Variants in ASIC2 observed in about 807,000 individuals in gnomAD.
ASIC2 encodes the protein acid-sensing ion channel 2.
ASIC2 carries 25 observed loss-of-function variants against 57.3 expected under a neutral mutation model. The ratio of observed to expected loss-of-function variants is 0.44; its 90% confidence interval spans 0.32 to 0.61. The LOEUF is 0.61. ASIC2 is among the 20% of genes least tolerant of loss of function. The probability of loss-of-function intolerance (pLI) is 0.06; values close to 1 mark genes in which losing one functional copy is unlikely to be tolerated. For synonymous variants in ASIC2, 319 were observed against 307.5 expected, an observed-to-expected ratio of 1.04 and a Z score of -0.39; for missense variants, 641 against 738.1, an observed-to-expected ratio of 0.87 and a Z score of 1.52.
At chr17:34,040,580 G>C (rs906571721) in intron 1 of ASIC2, among the ~76,000 whole-genome samples, 3 of 152,158 alleles carry the variant, frequency 2.0e-5, no homozygotes, top group Non-Finnish European at 4.4e-5. Flanking sequence ...ACAGGGTAGG[G>C]TGACTTGCAC....
chr17:33,302,516 A>G (rs112950859), intron 1 of ASIC2, among the ~76,000 whole-genome samples: 3 of 152,118 alleles, frequency 2.0e-5, no homozygotes, highest in African/African-American at 7.2e-5. Flanking sequence ...TGGCTTAGAG[A>G]TTTAAGGCCA....
intron 1 of ASIC2, among the ~76,000 whole-genome samples, chr17:33,776,228 G>A (rs1228162663): frequency 6.6e-6 from 1 of 152,184 alleles, no homozygotes; most frequent in Non-Finnish European, 1.5e-5. Context: ...GTATTAGGAG[G>A]TGGGGCCTTT....
chr17:33,648,979 G>A (rs138719120), intron 1 of ASIC2, among the ~76,000 whole-genome samples: 2 of 152,148 alleles, frequency 1.3e-5, no homozygotes, highest in Non-Finnish European at 2.9e-5. Context: ...CTGAAAGACC[G>A]AATACCTTCC....
At chr17:33,050,093 G>A (rs899701701) in intron 3 of ASIC2, among the ~76,000 whole-genome samples, 3 of 152,152 alleles carry the variant, frequency 2.0e-5, no homozygotes, top group African/African-American at 7.2e-5. Flanking sequence ...AGACCTCAAC[G>A]GAAGACCTGA....
At chr17:33,031,215 T>C (rs1409353374) in intron 3 of ASIC2, among the ~76,000 whole-genome samples, 1 of 152,192 alleles carries the variant, frequency 6.6e-6, no homozygotes, top group African/African-American at 2.4e-5. Context: ...TCAGATTTTC[T>C]ATTTTTGTTC....
intron 1 of ASIC2, among the ~76,000 whole-genome samples, chr17:33,703,326 T>TCTTTTC (rs1555553183): frequency 6.7e-6 from 1 of 149,000 alleles, no homozygotes; most frequent in African/African-American, 2.5e-5. Context: ...TTTTTCTTTT[T>TCTTTTC]TTTTTTGTTG....
rs559420508 is a variant in ASIC2, at chr17:33,881,585, C to T, written c.555+274393G>A. 2.6e-5 allele frequency among the ~76,000 whole-genome samples: 4 copies of T among 152,250 alleles called. No individual in the cohort carries two copies. The East Asian group carries it at 7.7e-4, about 29-fold the overall frequency. The stretch of plus-strand genomic sequence containing the variant: ...TGAAGGACCTCTTCAAGGAGAACTA[C>T]AAACCACTGCTCAATGAAATAAAAG... On this transcript the variant is annotated intron_variant, in intron 1 of 9. Coordinates refer to the ASIC2 transcript ENST00000359872.
intron 1 of ASIC2, among the ~76,000 whole-genome samples, chr17:33,613,209 T>C (rs1262564509): frequency 6.6e-6 from 1 of 152,074 alleles, no homozygotes; most frequent in African/African-American, 2.4e-5. Context: ...ATTTAAAAAA[T>C]AACAGTAATA....
intron 1 of ASIC2, among the ~76,000 whole-genome samples, chr17:33,210,885 A>G (rs962584122): frequency 2.0e-5 from 3 of 152,120 alleles, no homozygotes; most frequent in Non-Finnish European, 4.4e-5. Flanking sequence ...TGAAGCTACT[A>G]CTTAGAGGGA....
chr17:33,376,315 A>AT (rs1030293961), intron 1 of ASIC2, among the ~76,000 whole-genome samples: 3 of 151,820 alleles, frequency 2.0e-5, no homozygotes, highest in African/African-American at 7.3e-5. Flanking sequence ...TTTGAATCAC[A>AT]TTTTTTCCCC....
intron 1 of ASIC2, among the ~76,000 whole-genome samples, chr17:33,447,769 C>A (rs372560696): frequency 6.6e-5 from 10 of 152,028 alleles, no homozygotes; most frequent in African/African-American, 2.4e-4. Context: ...CAAGGATAAA[C>A]TAGAATCAGA....
intron 1 of ASIC2, among the ~76,000 whole-genome samples, chr17:34,057,957 T>C (rs1423117860): frequency 1.3e-5 from 2 of 152,076 alleles, no homozygotes; most frequent in East Asian, 1.9e-4. Flanking sequence ...CAAGAGCCCA[T>C]AGTCCCAGAC....
chr17:33,149,102 G>GAAACAA (rs1432247360), intron 1 of ASIC2, among the ~76,000 whole-genome samples: 3 of 151,856 alleles, frequency 2.0e-5, no homozygotes, highest in Admixed American at 2.0e-4. Context: ...TTAAAAAAAA[G>GAAACAA]AAACAAAAAC....
chr17:34,152,844 C>A (rs905597249), intron 1 of ASIC2, among the ~76,000 whole-genome samples: 1 of 152,196 alleles, frequency 6.6e-6, no homozygotes, highest in East Asian at 1.9e-4. Context: ...AATCCCTCCT[C>A]CTTCCTTCCA....
intron 1 of ASIC2, among the ~76,000 whole-genome samples, chr17:33,823,452 C>A (rs1912811363): frequency 6.6e-6 from 1 of 152,156 alleles, no homozygotes; most frequent in Admixed American, 6.5e-5. Flanking sequence ...GCCCATGCCC[C>A]AGAGAGCTGT....
chr17:33,350,030 G>A (rs1408104673), intron 1 of ASIC2, among the ~76,000 whole-genome samples: 1 of 152,196 alleles, frequency 6.6e-6, no homozygotes, highest in Non-Finnish European at 1.5e-5. Context: ...TCTTCCTTGT[G>A]GGATGGTAGT....
At chr17:33,718,704 C>T (rs1258159887) in intron 1 of ASIC2, among the ~76,000 whole-genome samples, 1 of 152,156 alleles carries the variant, frequency 6.6e-6, no homozygotes, top group East Asian at 1.9e-4. Context: ...CCTGTTCTAT[C>T]CCCAAAGAGG....
At chr17:33,969,929 G>A (rs1373081631) in intron 1 of ASIC2, among the ~76,000 whole-genome samples, 1 of 152,144 alleles carries the variant, frequency 6.6e-6, no homozygotes, top group South Asian at 2.1e-4. Flanking sequence ...CTAGGGGTCT[G>A]GGGGAAGAGG....
chr17:34,014,820 T>C (rs1175027776), intron 1 of ASIC2, among the ~76,000 whole-genome samples: 2 of 152,156 alleles, frequency 1.3e-5, no homozygotes, highest in Non-Finnish European at 2.9e-5. Flanking sequence ...ATGTGTTAGG[T>C]ACTCACTCAC....
Sources: allele counts gnomAD v4.1 joint callset (sites outside exome capture counted in the v4.1 genomes callset), GRCh38; gene constraint gnomAD v4.1.1; transcripts MANE v1.5; gene names NCBI Gene and HGNC (gene_info 2026-07-23, HGNC 2026-07-21).